The following PCDHA10 variants were observed in gnomAD, a reference collection of about 807,000 sequenced individuals.
PCDHA10 encodes the protein protocadherin alpha-10.
A neutral mutation model predicts 61.2 loss-of-function variants in PCDHA10; 45 were observed. The ratio of observed to expected loss-of-function variants is 0.74; its 90% CI spans 0.58 to 0.94. The LOEUF (loss-of-function observed/expected upper bound fraction) is 0.94. Among genes scored for constraint, PCDHA10 ranks in the 40% least tolerant of loss-of-function variants. The probability of loss-of-function intolerance (pLI) is 0.00; values close to 1 mark genes in which losing one functional copy is unlikely to be tolerated. For missense variants in PCDHA10, 1,278 were observed against 1,236.2 expected (o/e 1.03, Z -0.51); for synonymous variants, 602 against 548.8 (o/e 1.10, Z -1.35).
chr5:140,927,959 G>A lies in PCDHA10; in HGVS notation c.2389-50990G>A. On this transcript the variant is annotated intron_variant, in intron 1 of 3. Transcript: ENST00000307360. ...CCAGTACCTGAGGACGCTGCCCCTG[G>A]CACAGTGATTGCTCTCTTTAGTGTA... 1 of 1,614,190 alleles carries A rather than the reference G, an allele frequency of 6.2e-7. No individual in the cohort carries two copies. Among genetic ancestry groups the A allele is most frequent in the East Asian group, 2.2e-5 (1 of 44,886 alleles).
At chr5:140,890,767 T>A (rs1342716029) in intron 1 of PCDHA10, among the ~76,000 whole-genome samples, 3 of 152,210 alleles carry the variant, frequency 2.0e-5, no homozygotes, top group African/African-American at 7.2e-5. Context: ...AAAAATATTT[T>A]AAAACCCCAT....
At chr5:140,976,832 A>G (rs246001) in intron 1 of PCDHA10, among the ~76,000 whole-genome samples, 14,161 of 152,268 alleles carry the variant, frequency 0.093, 806 homozygotes, top group Middle Eastern at 0.22. Context: ...AATGAGCAAA[A>G]CAGATATAAT....
In PCDHA10 at chr5:140,929,288, G is replaced by A. The variant is rs386352346; in HGVS notation, c.2389-49661G>A. 3.1e-6 allele frequency: 5 copies of A among 1,597,514 alleles called. No homozygotes were observed. Among genetic ancestry groups the A allele is most frequent in the Non-Finnish European group, 3.4e-6 (4 of 1,168,792 alleles). On this transcript the variant is annotated intron_variant, in intron 1 of 3. Transcript: ENST00000307360. ...TTGCCAATATCCTGTATTCAGATTC[G>A]GAATAGGAAAGGGGATCACGCTAAT... is the stretch of plus-strand genomic sequence containing the variant.
At chr5:140,928,808 G>A (rs782344407) in intron 1 of PCDHA10, 3 of 1,614,062 alleles carry the variant, frequency 1.9e-6, no homozygotes, top group Non-Finnish European at 2.5e-6. Flanking sequence ...GTAGTGGTTC[G>A]GGACCATGGA....
chr5:140,979,619 G>A (rs1344525241), intron 2 of PCDHA10, among the ~76,000 whole-genome samples: 1 of 152,164 alleles, frequency 6.6e-6, no homozygotes, highest in African/African-American at 2.4e-5. Context: ...AACGGTATTA[G>A]TCTAAGACTC....
chr5:140,924,229 T>A (rs543275737), intron 1 of PCDHA10, among the ~76,000 whole-genome samples: 4 of 152,376 alleles, frequency 2.6e-5, no homozygotes, highest in African/African-American at 9.6e-5. Flanking sequence ...TCAATTTTTA[T>A]GGGCTGTTTT....
chr5:140,943,493 T>C (rs2093505211), intron 1 of PCDHA10, among the ~76,000 whole-genome samples: 1 of 152,118 alleles, frequency 6.6e-6, no homozygotes, highest in Non-Finnish European at 1.5e-5. Context: ...AAATAGATGC[T>C]ATCAAGGTTC....
chr5:140,928,424 C>A, intron 1 of PCDHA10: 1 of 1,614,184 alleles, frequency 6.2e-7, no homozygotes, highest in Non-Finnish European at 8.5e-7. Context: ...ACTGCCAAAA[C>A]TTCCTTTGAC....
chr5:140,869,309 A>T, intron 1 of PCDHA10: 1 of 1,613,682 alleles, frequency 6.2e-7, no homozygotes, highest in Non-Finnish European at 8.5e-7. Context: ...GTGGCGTCCA[A>T]AACACATGGG....
At chr5:140,983,034 C>T (rs923296416) in intron 3 of PCDHA10, among the ~76,000 whole-genome samples, 1 of 151,944 alleles carries the variant, frequency 6.6e-6, no homozygotes, top group Non-Finnish European at 1.5e-5. Context: ...GATGGTTTCT[C>T]ATGGAAGTGG....
chr5:141,000,395 C>CTCTCTATA (rs1213762225), intron 3 of PCDHA10, among the ~76,000 whole-genome samples: 1 of 53,986 alleles, frequency 1.9e-5, no homozygotes, highest in Non-Finnish European at 3.2e-5. Flanking sequence ...CTCTCTCTCT[C>CTCTCTATA]TATATATATA....
chr5:140,886,698 C>T (rs578140955), intron 1 of PCDHA10, among the ~76,000 whole-genome samples: 5 of 151,938 alleles, frequency 3.3e-5, no homozygotes, highest in East Asian at 2.0e-4. Flanking sequence ...TGGTGGCACG[C>T]GCCTGTAATC....
At chr5:140,871,496 T>C in intron 1 of PCDHA10, 1 of 1,587,392 alleles carries the variant, frequency 6.3e-7, no homozygotes, top group Non-Finnish European at 8.6e-7. Flanking sequence ...CCCGGACAGG[T>C]GAGTTTTCTA....
rs782636217 is a variant in PCDHA10 at position 140,928,409 on chromosome 5, C to T, written c.2389-50540C>T. The T allele has an allele frequency of 1.9e-6, 3 of 1,614,030 alleles. No individual in the cohort carries two copies. The Admixed American group carries it at 5.0e-5, about 27-fold the overall frequency. On this transcript the variant is annotated intron_variant, in intron 1 of 3. Coordinates refer to ENST00000307360, the MANE Select transcript of PCDHA10 (RefSeq NM_018901.4). ...CTGGCAGTGGAATCATCCAGTGGGG[C>T]CATCACTGCCAAAACTTCCTTTGAC...
intron 1 of PCDHA10, chr5:140,868,803 C>A: frequency 2.9e-6 from 1 of 350,392 alleles, no homozygotes; most frequent in South Asian, 7.0e-5. Context: ...CATAAATAAG[C>A]ACGTTGGAAA....
intron 1 of PCDHA10, among the ~76,000 whole-genome samples, chr5:140,878,693 C>T (rs932928385): frequency 6.6e-6 from 1 of 152,136 alleles, no homozygotes; most frequent in South Asian, 2.1e-4. Context: ...TCTTACATAC[C>T]CCAGCCTGGT....
rs782673373 is a variant in PCDHA10 at position 140,858,110 on chromosome 5, G to T, written c.2062G>T (p.Glu688Ter). The T allele has an allele frequency of 6.9e-6, 11 of 1,597,760 alleles. No homozygotes were observed. The East Asian group carries it at 2.2e-4, about 32-fold the overall frequency. Reference protein sequence around the residue: ...SSRASVGVAPEVALVDVNVYL... With the variant: ...SSRASVGVAP ...GCGGGCTTCAGTGGGCGTGGCGCCC[G>T]AGGTGGCCCTGGTGGATGTCAACGT... Residue 688 changes from glutamate to a stop codon, truncating the protein, a stop_gained, in exon 1 of 4, where the codon GAG (glutamate) becomes TAG (stop). Coordinates refer to ENST00000307360, the MANE Select transcript of PCDHA10 (RefSeq NM_018901.4). LOFTEE classifies it high-confidence loss of function.
Position 140,856,806 on chromosome 5 carries a change from A to G in PCDHA10, c.758A>G (p.Asn253Ser). 2 of 1,595,552 alleles carry G rather than the reference A, an allele frequency of 1.3e-6. No homozygotes were observed. Among genetic ancestry groups the G allele is most frequent in the African/African-American group, 1.3e-5 (1 of 74,302 alleles). ...RPVYEVKMYENQVNQTLVIRL... is the reference protein window; with the variant it reads ...RPVYEVKMYESQVNQTLVIRL... Reference sequence around the variant, plus strand: ...GTTTATGAAGTTAAGATGTATGAAAATCAAGTGAACCAAACATTAGTAATA... The same window carrying G: ...GTTTATGAAGTTAAGATGTATGAAAGTCAAGTGAACCAAACATTAGTAATA... Residue 253 changes from asparagine to serine, a missense_variant, in exon 1 of 4, where the codon AAT becomes AGT. Coordinates refer to ENST00000307360, the MANE Select transcript of PCDHA10 (RefSeq NM_018901.4).
chr5:140,923,832 T>C (rs1584323997), intron 1 of PCDHA10, among the ~76,000 whole-genome samples: 1 of 152,306 alleles, frequency 6.6e-6, no homozygotes, highest in East Asian at 1.9e-4. Context: ...TCAGTGGCAG[T>C]TTAAATAGAG....
Sources: allele counts gnomAD v4.1 joint callset (sites outside exome capture counted in the v4.1 genomes callset), GRCh38; gene constraint gnomAD v4.1.1; transcripts MANE v1.5; gene names NCBI Gene and HGNC (gene_info 2026-07-23, HGNC 2026-07-21).